Variants in ELOVL6 observed in about 807,000 individuals in gnomAD.
ELOVL6 encodes ELOVL fatty acid elongase 6.
A neutral mutation model predicts 31.7 loss-of-function variants in ELOVL6; 8 were observed. The ratio of observed to expected loss-of-function variants is 0.25; its 90% confidence interval spans 0.15 to 0.45. ELOVL6 has a LOEUF of 0.45. Among genes scored for constraint, ELOVL6 ranks in the 20% least tolerant of loss-of-function variants. The pLI, the probability that ELOVL6 is intolerant of heterozygous loss-of-function variation, is 1.00. For missense variants in ELOVL6, 126 were observed against 326.4 expected, an observed-to-expected ratio of 0.39 and a Z score of 4.73; for synonymous variants, 101 against 117.7, an observed-to-expected ratio of 0.86 and a Z score of 0.92.
intron 1 of ELOVL6, among the ~76,000 whole-genome samples, chr4:110,170,899 G>C (rs995364282): frequency 6.6e-6 from 1 of 152,082 alleles, no homozygotes; most frequent in Admixed American, 6.6e-5. Context: ...CCAGAAAAAG[G>C]CCTCAAAAAA....
At position 110,079,503 on chromosome 4, in the gene ELOVL6, C is replaced by T. The variant is rs897351956; in HGVS notation, c.222-19749G>A. On this transcript the variant is annotated intron_variant, in intron 2 of 3. Transcript: ENST00000302274. ...TCCTGAATGACTACTGGGTACATAA[C>T]GAAATGAAAGCAGAAATAAAGATGT... Among the ~76,000 whole-genome samples, 26 of 151,798 alleles carry T rather than the reference C, an allele frequency of 1.7e-4. No individual in the cohort carries two copies. In the East Asian group the frequency reaches 2.5e-3, roughly 15 times the overall value.
At chr4:110,135,037 C>G (rs1560838456) in intron 1 of ELOVL6, among the ~76,000 whole-genome samples, 1 of 152,230 alleles carries the variant, frequency 6.6e-6, no homozygotes, top group East Asian at 1.9e-4. Context: ...AATGTGAGTA[C>G]TTTCCTTTTA....
At chr4:110,073,670 T>C (rs961167248) in intron 2 of ELOVL6, among the ~76,000 whole-genome samples, 2 of 152,150 alleles carry the variant, frequency 1.3e-5, no homozygotes, top group Non-Finnish European at 2.9e-5. Flanking sequence ...AATGTAAGCA[T>C]TGAGGAACAA....
chr4:110,195,636 G>A (rs1248314495), intron 1 of ELOVL6, among the ~76,000 whole-genome samples: 4 of 152,108 alleles, frequency 2.6e-5, no homozygotes, highest in African/African-American at 9.7e-5. Context: ...AGCAATCTAA[G>A]AACATAACAT....
In ELOVL6 at chr4:110,083,997, C is replaced by CATAT. The variant is rs1313265234; in HGVS notation, c.221+21496_221+21499dup. Reference sequence around the variant, plus strand: ...AACATATGCCATATACGATATATAACATATGCCATATATGGTATATAACAT... The same window carrying CATAT: ...AACATATGCCATATACGATATATAACATATATATGCCATATATGGTATATAACAT... On this transcript the variant is annotated intron_variant, in intron 2 of 3. Coordinates refer to ENST00000302274, the MANE Select transcript of ELOVL6 (RefSeq NM_024090.3). Among the ~76,000 whole-genome samples, 307 of 42,786 alleles carry CATAT rather than the reference C, an allele frequency of 7.2e-3. 42 individuals are homozygous for CATAT. Among genetic ancestry groups the CATAT allele is most frequent in the African/African-American group, 0.015 (96 of 6,328 alleles). The allele number at this position is 42,786 out of a possible 152,430, so 28.1% of individuals were successfully genotyped here.
chr4:110,088,520 GT>G (rs1217745966), intron 2 of ELOVL6, among the ~76,000 whole-genome samples: 3 of 152,136 alleles, frequency 2.0e-5, no homozygotes, highest in South Asian at 2.1e-4. Context: ...ATGGATTTCT[GT>G]TTCCTTCTCG....
intron 1 of ELOVL6, among the ~76,000 whole-genome samples, chr4:110,121,596 G>T (rs1757358605): frequency 6.6e-6 from 1 of 152,180 alleles, no homozygotes; most frequent in African/African-American, 2.4e-5. Flanking sequence ...CTACTCGGGA[G>T]GCTGAGGCAG....
At chr4:110,183,766 TG>T (rs1449367887) in intron 1 of ELOVL6, among the ~76,000 whole-genome samples, 1 of 152,140 alleles carries the variant, frequency 6.6e-6, no homozygotes, top group East Asian at 1.9e-4. Context: ...CAATCTGGAT[TG>T]CTTTGAGCTC....
In ELOVL6 at chr4:110,135,744, A is replaced by G. The variant is rs183620368; in HGVS notation, c.90-30116T>C. Among the ~76,000 whole-genome samples the G allele has an allele frequency of 9.0e-4, 137 of 152,334 alleles. 1 individual carries two copies. Among genetic ancestry groups the G allele is most frequent in the African/African-American group, 3.1e-3 (129 of 41,582 alleles). On this transcript the variant is annotated intron_variant, in intron 1 of 3. Transcript: ENST00000302274. ...GGAATAATGAAGTAATCCTCCTATT[A>G]TCAGCAATGGTCTGATCCAGTGCCA...
At chr4:110,156,832 T>C (rs955074107) in intron 1 of ELOVL6, among the ~76,000 whole-genome samples, 1 of 152,214 alleles carries the variant, frequency 6.6e-6, no homozygotes, top group African/African-American at 2.4e-5. Flanking sequence ...AGTATCTGCC[T>C]TGGAACAAAA....
intron 1 of ELOVL6, among the ~76,000 whole-genome samples, chr4:110,123,875 A>G (rs149709607): frequency 0.045 from 6,805 of 152,332 alleles, 194 homozygotes; most frequent in Non-Finnish European, 0.065. Flanking sequence ...CTAAGTTTGC[A>G]TAGTCATAAA....
chr4:110,136,885 GT>G (rs950525990), intron 1 of ELOVL6, among the ~76,000 whole-genome samples: 5 of 152,058 alleles, frequency 3.3e-5, no homozygotes, highest in African/African-American at 1.2e-4. Flanking sequence ...CAAAAAGAAA[GT>G]TTTATCACAG....
chr4:110,098,237 T>G (rs1170753474), intron 2 of ELOVL6, among the ~76,000 whole-genome samples: 1 of 152,154 alleles, frequency 6.6e-6, no homozygotes, highest in Non-Finnish European at 1.5e-5. Context: ...TCATTCTAAC[T>G]ATAAACCGAT....
intron 3 of ELOVL6, among the ~76,000 whole-genome samples, chr4:110,059,108 T>A (rs1009582986): frequency 6.6e-6 from 1 of 152,210 alleles, no homozygotes; most frequent in Non-Finnish European, 1.5e-5. Context: ...CCAGTCTTGA[T>A]GATTAAAATC....
chr4:110,137,573 A>G (rs1369360155), intron 1 of ELOVL6, among the ~76,000 whole-genome samples: 1 of 152,198 alleles, frequency 6.6e-6, no homozygotes, highest in Non-Finnish European at 1.5e-5. Flanking sequence ...CTTCCACTAA[A>G]TCTATCTGAA....
chr4:110,147,715 T>C (rs1336778549), intron 1 of ELOVL6, among the ~76,000 whole-genome samples: 1 of 151,200 alleles, frequency 6.6e-6, no homozygotes, highest in Non-Finnish European at 1.5e-5. Context: ...CATTTGAGCC[T>C]GGGAAGTTGA....
At chr4:110,075,398 A>C (rs1755601229) in intron 2 of ELOVL6, among the ~76,000 whole-genome samples, 1 of 152,238 alleles carries the variant, frequency 6.6e-6, no homozygotes, top group African/African-American at 2.4e-5. Context: ...TGGATAAAAA[A>C]AATGTGGTAT....
chr4:110,063,649 A>G (rs1372098113), intron 2 of ELOVL6, among the ~76,000 whole-genome samples: 1 of 152,150 alleles, frequency 6.6e-6, no homozygotes, highest in African/African-American at 2.4e-5. Flanking sequence ...GATTATTCTA[A>G]ATCTAGAGCC....
intron 1 of ELOVL6, among the ~76,000 whole-genome samples, chr4:110,124,162 C>T (rs774160704): frequency 4.6e-5 from 7 of 152,056 alleles, no homozygotes; most frequent in Non-Finnish European, 8.8e-5. Flanking sequence ...TGTGTTTAAC[C>T]AGAAATACCA....
Sources: gnomAD v4.1 joint callset for allele counts (sites outside exome capture counted in the v4.1 genomes callset) on GRCh38, gnomAD v4.1.1 for gene constraint, MANE v1.5 for transcripts, NCBI Gene and HGNC (gene_info 2026-07-23, HGNC 2026-07-21) for gene names.